Variants in BNC2 observed in about 807,000 individuals in gnomAD.
BNC2 encodes zinc finger protein basonuclin-2.
In BNC2, 20 loss-of-function variants were observed where a neutral mutation model predicts 76.3. The ratio of observed to expected loss-of-function variants is 0.26; its 90% CI spans 0.18 to 0.38. The LOEUF is 0.38. Among genes scored for constraint, BNC2 ranks in the 10% least tolerant of loss-of-function variants. BNC2 has a pLI of 1.00. For missense variants in BNC2, 1,382 were observed against 1,399.8 expected (o/e 0.99, Z 0.20); for synonymous variants, 582 against 514.8 (o/e 1.13, Z -1.77).
At chr9:16,759,083 T>C (rs1825476188) in intron 1 of BNC2, among the ~76,000 whole-genome samples, 1 of 152,202 alleles carries the variant, frequency 6.6e-6, no homozygotes, top group African/African-American at 2.4e-5. Context: ...CTTAACTTCA[T>C]GGTAATCATT....
chr9:16,415,648 T>A lies in BNC2; in HGVS notation c.*3341A>T, dbSNP rs772962715. The A allele has an allele frequency of 6.6e-6, 1 of 152,174 alleles. No individual in the cohort carries two copies. Among genetic ancestry groups the A allele is most frequent in the African/African-American group, 2.4e-5 (1 of 41,454 alleles). The allele number at this position is 152,174 out of a possible 1,614,324, so 9.4% of individuals were successfully genotyped here. The stretch of plus-strand genomic sequence containing the variant: ...TTGCAAATAAGCCATGGGATCACCA[T>A]CTTAACTAGAATTCTAGTTAAGTCA... On this transcript the variant is annotated 3_prime_UTR_variant, in exon 7 of 7. Transcript: ENST00000380672.
At chr9:16,682,635 T>C (rs1034632960) in intron 3 of BNC2, among the ~76,000 whole-genome samples, 1 of 152,156 alleles carries the variant, frequency 6.6e-6, no homozygotes, top group East Asian at 1.9e-4. Context: ...AAAAAAGTGA[T>C]CCTCCACGCA....
intron 1 of BNC2, among the ~76,000 whole-genome samples, chr9:16,743,285 C>T (rs746896369): frequency 6.6e-6 from 1 of 152,128 alleles, no homozygotes; most frequent in Admixed American, 6.5e-5. Context: ...ATTTATTAAT[C>T]TAAGGTTTAG....
chr9:16,537,511 T>C (rs1214110941), intron 5 of BNC2, among the ~76,000 whole-genome samples: 1 of 151,914 alleles, frequency 6.6e-6, no homozygotes, highest in Non-Finnish European at 1.5e-5. Context: ...ATATCAAAAA[T>C]GAAAGAAAGA....
At chr9:16,608,395 C>T (rs189421126) in intron 3 of BNC2, among the ~76,000 whole-genome samples, 193 of 152,072 alleles carry the variant, frequency 1.3e-3, no homozygotes, top group African/African-American at 4.5e-3. Flanking sequence ...TTTCTTTCTT[C>T]CCCCTTCTTT....
intron 1 of BNC2, among the ~76,000 whole-genome samples, chr9:16,862,774 T>C (rs1421163795): frequency 3.3e-5 from 5 of 152,108 alleles, no homozygotes; most frequent in Non-Finnish European, 7.3e-5. Flanking sequence ...TCTCTTCTAC[T>C]ACTCCCAACA....
At chr9:16,654,082 A>T (rs1821863718) in intron 3 of BNC2, among the ~76,000 whole-genome samples, 1 of 152,206 alleles carries the variant, frequency 6.6e-6, no homozygotes, top group Non-Finnish European at 1.5e-5. Context: ...TTAACAAAGG[A>T]TCAGAGGGAC....
At chr9:16,701,701 G>A in intron 3 of BNC2, among the ~76,000 whole-genome samples, 1 of 152,096 alleles carries the variant, frequency 6.6e-6, no homozygotes, top group African/African-American at 2.4e-5. Context: ...CAGCACTTTG[G>A]AAGGCTGAGG....
intron 6 of BNC2, among the ~76,000 whole-genome samples, chr9:16,428,991 C>T (rs761310687): frequency 1.3e-5 from 2 of 152,220 alleles, no homozygotes; most frequent in Non-Finnish European, 2.9e-5. Context: ...GCCTCTCCCT[C>T]ATACACATAT....
chr9:16,494,338 A>G (rs1415730404), intron 5 of BNC2, among the ~76,000 whole-genome samples: 1 of 151,990 alleles, frequency 6.6e-6, no homozygotes, highest in Non-Finnish European at 1.5e-5. Flanking sequence ...TTTTTAGTAG[A>G]GATGGGGTTT....
chr9:16,537,888 GTTCCTTTTTAAGAAGTGTTCTCC>G, intron 5 of BNC2, among the ~76,000 whole-genome samples: 1 of 152,266 alleles, frequency 6.6e-6, no homozygotes, highest in East Asian at 1.9e-4. Flanking sequence ...CTTTTATAAA[GTTCCTTTTTAAGAAGTGTTCTCC>G]TTCTAAGGGT....
chr9:16,470,517 C>T (rs1390043821), intron 5 of BNC2, among the ~76,000 whole-genome samples: 1 of 152,200 alleles, frequency 6.6e-6, no homozygotes, highest in Non-Finnish European at 1.5e-5. Context: ...ATCACAGGCC[C>T]AGAGGCCCAG....
chr9:16,819,286 GTCA>G (rs1471990146), intron 1 of BNC2, among the ~76,000 whole-genome samples: 1 of 152,208 alleles, frequency 6.6e-6, no homozygotes, highest in Non-Finnish European at 1.5e-5. Flanking sequence ...TTGGAAATGT[GTCA>G]TCGTTTTTAA....
Position 16,436,008 on chromosome 9 carries a change from G to A in BNC2, c.2186C>T (p.Ser729Leu), listed in dbSNP as rs565251984. ...ERDYENESES[S>L]EPKLGEESME... ...GGATTCCTCGCCCAGTTTGGGCTCC[G>A]AAGACTCAGACTCGTTCTCATAGTC... The change falls in exon 6 of 7, where the codon TCG (serine) becomes TTG (leucine). Residue 729 changes from serine (S) to leucine (L), a missense_variant. Coordinates refer to ENST00000380672, the MANE Select transcript of BNC2 (RefSeq NM_017637.6). 9 of 1,614,148 alleles carry A rather than the reference G, an allele frequency of 5.6e-6. No homozygotes were observed. Among genetic ancestry groups the A allele is most frequent in the Admixed American group, 3.3e-5 (2 of 60,006 alleles).
intron 5 of BNC2, among the ~76,000 whole-genome samples, chr9:16,454,977 A>C (rs112142313): frequency 2.0e-5 from 3 of 152,212 alleles, no homozygotes; most frequent in Non-Finnish European, 4.4e-5. Context: ...GTAAAAATAA[A>C]TGGCAAGAGA....
intron 4 of BNC2, among the ~76,000 whole-genome samples, chr9:16,559,029 T>C (rs966042250): frequency 3.3e-5 from 5 of 151,954 alleles, no homozygotes; most frequent in African/African-American, 1.2e-4. Context: ...ATTTCTGCAA[T>C]GAATGGAATG....
At chr9:16,714,055 T>G (rs751546263) in intron 3 of BNC2, among the ~76,000 whole-genome samples, 1 of 152,348 alleles carries the variant, frequency 6.6e-6, no homozygotes, top group South Asian at 2.1e-4. Context: ...TGCTCCAGCC[T>G]GGGCCACAGA....
chr9:16,557,259 G>A (rs750663683), intron 4 of BNC2, among the ~76,000 whole-genome samples: 2 of 152,170 alleles, frequency 1.3e-5, no homozygotes, highest in Admixed American at 1.3e-4. Context: ...AGCACTTTGG[G>A]AGGTTGCAGT....
chr9:16,425,846 G>A (rs1820794928), intron 6 of BNC2, among the ~76,000 whole-genome samples: 1 of 152,200 alleles, frequency 6.6e-6, no homozygotes, highest in African/African-American at 2.4e-5. Flanking sequence ...ATGGCATTTG[G>A]GAAGGCAGAT....
Sources: allele counts gnomAD v4.1 joint callset (sites outside exome capture counted in the v4.1 genomes callset), GRCh38; gene constraint gnomAD v4.1.1; transcripts MANE v1.5; gene names NCBI Gene and HGNC (gene_info 2026-07-23, HGNC 2026-07-21).